The following PRKCE variants were observed in gnomAD, a reference collection of about 807,000 sequenced individuals.
PRKCE encodes protein kinase C epsilon type.
In PRKCE, 16 loss-of-function variants were observed where a neutral mutation model predicts 85.4. The observed-to-expected ratio is 0.19, with a 90% CI of 0.13 to 0.28. The LOEUF (loss-of-function observed/expected upper bound fraction) is 0.28. Among genes scored for constraint, PRKCE ranks in the 10% least tolerant of loss-of-function variants. The pLI, the probability that PRKCE is intolerant of heterozygous loss-of-function variation, is 1.00. For synonymous variants in PRKCE, 388 were observed against 371.5 expected (o/e 1.04, Z -0.51); for missense variants, 573 against 975.2 (o/e 0.59, Z 5.49).
intron 2 of PRKCE, among the ~76,000 whole-genome samples, chr2:45,891,168 C>T (rs190681409): frequency 1.3e-5 from 2 of 152,260 alleles, no homozygotes; most frequent in East Asian, 1.9e-4. Context: ...TAGATTTACC[C>T]GACACACACT....
At chr2:45,849,861 G>C (rs1008372434) in intron 2 of PRKCE, among the ~76,000 whole-genome samples, 3 of 152,082 alleles carry the variant, frequency 2.0e-5, no homozygotes, top group African/African-American at 7.2e-5. Flanking sequence ...GGGATTTTTG[G>C]CTCTATTTTT....
At chr2:45,888,698 C>G (rs767409895) in intron 2 of PRKCE, among the ~76,000 whole-genome samples, 1 of 152,062 alleles carries the variant, frequency 6.6e-6, no homozygotes, top group African/African-American at 2.4e-5. Flanking sequence ...GTGATCCACC[C>G]GCTTTGGCCT....
At chr2:46,085,291 C>A (rs1669486124) in intron 10 of PRKCE, among the ~76,000 whole-genome samples, 1 of 152,154 alleles carries the variant, frequency 6.6e-6, no homozygotes, top group African/African-American at 2.4e-5. Context: ...GAAGGAATAT[C>A]CTCCAAAGTA....
chr2:46,086,394 G>A (rs373472033), intron 11 of PRKCE, 32 bp downstream of exon 11: 1 of 1,586,576 alleles, frequency 6.3e-7, no homozygotes, highest in East Asian at 2.2e-5. Context: ...TTTCCTGAAA[G>A]TGAAGAAAAT....
intron 1 of PRKCE, among the ~76,000 whole-genome samples, chr2:45,779,544 A>G (rs1030814142): frequency 6.6e-6 from 1 of 151,808 alleles, no homozygotes; most frequent in African/African-American, 2.4e-5. Flanking sequence ...CCATTTGTGA[A>G]CTGAGAAGTA....
rs1191944127 is a variant in PRKCE at position 45,841,132 on chromosome 2, A to G, written c.349-1868A>G. Among the ~76,000 whole-genome samples, 4 of 152,234 alleles carry G rather than the reference A, an allele frequency of 2.6e-5. No individual in the cohort carries two copies. In the East Asian group the frequency reaches 7.7e-4, roughly 29 times the overall value. On this transcript the variant is annotated intron_variant, in intron 1 of 14. Transcript: ENST00000306156. ...GGACAGAGAGGTAGATGGACAATGT[A>G]TTACAACTTAATAGGAGCTGTATTA...
intron 1 of PRKCE, among the ~76,000 whole-genome samples, chr2:45,681,548 T>A (rs1676903551): frequency 6.6e-6 from 1 of 152,192 alleles, no homozygotes; most frequent in Admixed American, 6.5e-5. Flanking sequence ...GTTTTGGTTT[T>A]GGTGCTTCCA....
chr2:45,929,950 G>A (rs1698911955), intron 2 of PRKCE, among the ~76,000 whole-genome samples: 1 of 152,030 alleles, frequency 6.6e-6, no homozygotes, highest in Non-Finnish European at 1.5e-5. Flanking sequence ...ATAGTGCCTG[G>A]GCCAAGATGG....
chr2:45,826,554 C>G (rs1332453903), intron 1 of PRKCE, among the ~76,000 whole-genome samples: 1 of 152,144 alleles, frequency 6.6e-6, no homozygotes, highest in East Asian at 1.9e-4. Flanking sequence ...TGGGTCAGTG[C>G]CATCTATCTG....
intron 11 of PRKCE, among the ~76,000 whole-genome samples, chr2:46,103,919 A>G (rs1393951014): frequency 2.0e-5 from 3 of 152,092 alleles, no homozygotes; most frequent in African/African-American, 7.2e-5. Flanking sequence ...GGCAGGAGAG[A>G]CTGGCATACT....
chr2:45,869,972 C>T lies in PRKCE; in HGVS notation c.412+26909C>T, dbSNP rs542866897. Among the ~76,000 whole-genome samples the T allele has an allele frequency of 1.1e-4, 16 of 152,252 alleles. No individual in the cohort carries two copies. The East Asian group carries it at 2.7e-3, about 26-fold the overall frequency. The stretch of plus-strand genomic sequence containing the variant: ...CTGTCCACCTCGGCCTCCCAAAGTG[C>T]TGGGATTACAGGCAAGAGCCACTGC... On this transcript the variant is annotated intron_variant, in intron 2 of 14. Coordinates refer to ENST00000306156, the MANE Select transcript of PRKCE (RefSeq NM_005400.3).
intron 1 of PRKCE, among the ~76,000 whole-genome samples, chr2:45,742,544 G>A (rs1682667299): frequency 1.3e-5 from 2 of 152,060 alleles, no homozygotes; most frequent in African/African-American, 4.8e-5. Context: ...AATCATCAGA[G>A]AAATGCAAAT....
Position 45,681,057 on chromosome 2 carries a change from G to A in PRKCE, c.348+28609G>A, listed in dbSNP as rs142346353. Among the ~76,000 whole-genome samples the A allele has an allele frequency of 3.4e-3, 519 of 152,216 alleles. 2 individuals are homozygous for A. Among genetic ancestry groups the A allele is most frequent in the African/African-American group, 0.012 (496 of 41,534 alleles). ...TGTAATCCCAGCACTTTGGGAGGCC[G>A]AGGTGGGTGGATCATGAGATAAGGA... On this transcript the variant is annotated intron_variant, in intron 1 of 14. Transcript: ENST00000306156.
intron 1 of PRKCE, among the ~76,000 whole-genome samples, chr2:45,806,496 C>T (rs1220213587): frequency 6.6e-6 from 1 of 152,204 alleles, no homozygotes; most frequent in African/African-American, 2.4e-5. Flanking sequence ...TAAGTCCGTT[C>T]ACATTGTTGT....
chr2:45,719,772 C>G (rs1021879181), intron 1 of PRKCE, among the ~76,000 whole-genome samples: 1 of 152,062 alleles, frequency 6.6e-6, no homozygotes, highest in African/African-American at 2.4e-5. Flanking sequence ...TTAAAATACC[C>G]AGACTGGCCA....
intron 11 of PRKCE, among the ~76,000 whole-genome samples, chr2:46,118,474 G>A (rs1672987017): frequency 6.6e-6 from 1 of 152,218 alleles, no homozygotes; most frequent in Admixed American, 6.5e-5. Flanking sequence ...AAATCAGTGT[G>A]ATCTGGTATC....
At chr2:45,669,704 A>G (rs1676067676) in intron 1 of PRKCE, among the ~76,000 whole-genome samples, 3 of 152,242 alleles carry the variant, frequency 2.0e-5, no homozygotes, top group Non-Finnish European at 4.4e-5. Context: ...AAAAGGTAGT[A>G]TCTGTGAAAA....
intron 1 of PRKCE, among the ~76,000 whole-genome samples, chr2:45,805,179 A>C (rs1243745453): frequency 6.6e-6 from 1 of 152,206 alleles, no homozygotes; most frequent in African/African-American, 2.4e-5. Flanking sequence ...TGTGGGTTAG[A>C]CACTATTACT....
At chr2:45,866,220 G>A (rs1234852006) in intron 2 of PRKCE, among the ~76,000 whole-genome samples, 8 of 152,170 alleles carry the variant, frequency 5.3e-5, no homozygotes, top group African/African-American at 1.9e-4. Flanking sequence ...GGTTTTACAT[G>A]TGAATCATCT....
Sources: gnomAD v4.1 joint callset for allele counts (sites outside exome capture counted in the v4.1 genomes callset) on GRCh38, gnomAD v4.1.1 for gene constraint, MANE v1.5 for transcripts, NCBI Gene and HGNC (gene_info 2026-07-23, HGNC 2026-07-21) for gene names.